PAH: variants seen among roughly 807,000 people sequenced by gnomAD.
The protein encoded by PAH is phenylalanine hydroxylase.
Under a neutral mutation model 62.0 loss-of-function variants are expected in PAH, and 64 were observed. The observed-to-expected ratio is 1.03, with a 90% CI of 0.84 to 1.27. PAH has a LOEUF of 1.27. Among genes scored for constraint, PAH ranks in the 50% most tolerant of loss-of-function variants. The pLI is 0.00. For missense variants in PAH, 579 were observed against 542.8 expected, an observed-to-expected ratio of 1.07 and a Z score of -0.66; for synonymous variants, 195 against 196.2, an observed-to-expected ratio of 0.99 and a Z score of 0.05.
chr12:102,843,593 G>C, intron 11 of PAH, 53 bp downstream of exon 11: 3 of 1,601,862 alleles, frequency 1.9e-6, no homozygotes, highest in Non-Finnish European at 2.6e-6. Flanking sequence ...CAGATGAGTG[G>C]CACCAGTCAG....
rs1210082459 is a variant in PAH at position 102,957,434 on chromosome 12, G to T, written c.-96+761C>A. On this transcript the variant is annotated intron_variant, in intron 1 of 4. Transcript: ENST00000551337. This position sits in a 1 kb window ranked among gnomAD's most constrained non-coding sequence, Gnocchi z 4.1. Reference sequence around the variant, plus strand: ...CCGGCACGCGCCAGGCGCACGCACTGCAACAACAAACCCAGCTGAATGGAG... The same window carrying T: ...CCGGCACGCGCCAGGCGCACGCACTTCAACAACAAACCCAGCTGAATGGAG... Among the ~76,000 whole-genome samples, 1 of 151,842 alleles carries T rather than the reference G, an allele frequency of 6.6e-6. No individual in the cohort carries two copies. Among genetic ancestry groups the T allele is most frequent in the Non-Finnish European group, 1.5e-5 (1 of 67,968 alleles).
rs530888628 is a variant in PAH at position 102,854,810 on chromosome 12, C to CAAACAAAACA, written c.706+316_706+325dup. 4.2e-3 allele frequency: 1,648 copies of CAAACAAAACA among 395,874 alleles called. 4 individuals carry two copies. Among genetic ancestry groups the CAAACAAAACA allele is most frequent in the Non-Finnish European group, 5.9e-3 (1,228 of 207,884 alleles). The allele number at this position is 395,874 out of a possible 1,614,324, so 24.5% of individuals were successfully genotyped here. A position where few individuals can be genotyped will look rare whatever the true frequency, so the allele number is the denominator to read the frequency against. On this transcript the variant is annotated intron_variant, in intron 6 of 12. Transcript: ENST00000553106. ...TCATAACACAGCAGGAACTACAGGG[C>CAAACAAAACA]AAACAAAACAAAACAAAACAAAAAA...
At chr12:102,875,940 CATATATATAT>C (rs968480297) in intron 4 of PAH, among the ~76,000 whole-genome samples, 4 of 54,280 alleles carry the variant, frequency 7.4e-5, no homozygotes, top group Non-Finnish European at 1.5e-4. Flanking sequence ...TATATATATA[CATATATATAT>C]AGACAGAGCG....
At chr12:102,930,859 T>C (rs1878842413) in intron 1 of PAH, among the ~76,000 whole-genome samples, 1 of 152,224 alleles carries the variant, frequency 6.6e-6, no homozygotes, top group Non-Finnish European at 1.5e-5. Context: ...GCACAAATCT[T>C]TAGTGGTTCT....
intron 1 of PAH, among the ~76,000 whole-genome samples, chr12:102,916,820 G>A (rs1472439607): frequency 6.6e-6 from 1 of 152,154 alleles, no homozygotes; most frequent in Non-Finnish European, 1.5e-5. Context: ...CAGTTCTGGA[G>A]GCCAGATCCC....
At position 102,926,960 on chromosome 12, in the gene PAH, G is replaced by A. The variant is rs986747661; in HGVS notation, c.-95-9735C>T. On this transcript the variant is annotated intron_variant, in intron 1 of 3. Coordinates refer to the PAH transcript ENST00000546844. ...CCATGATAATTAGCAAGCACTGTTTGTTTGGGTGGGTGGGTTGCTAAACAT... is the reference window on the plus strand; with the variant it reads ...CCATGATAATTAGCAAGCACTGTTTATTTGGGTGGGTGGGTTGCTAAACAT... 3.4e-5 allele frequency among the ~76,000 whole-genome samples: 5 copies of A among 148,452 alleles called. 1 individual carries two copies. Among genetic ancestry groups the A allele is most frequent in the African/African-American group, 1.3e-4 (5 of 39,992 alleles).
intron 3 of PAH, among the ~76,000 whole-genome samples, chr12:102,888,133 G>A (rs892494565): frequency 8.6e-5 from 13 of 151,816 alleles, no homozygotes; most frequent in African/African-American, 3.1e-4. Flanking sequence ...AAGTTTACTT[G>A]TAACCTTTTG....
At chr12:102,892,034 A>G (rs370784027) in intron 3 of PAH, among the ~76,000 whole-genome samples, 276 of 152,290 alleles carry the variant, frequency 1.8e-3, no homozygotes, top group African/African-American at 6.4e-3. Flanking sequence ...GGAGGCTGAA[A>G]AGGAAAGAAG....
upstream of PAH, among the ~76,000 whole-genome samples, chr12:102,951,056 C>T (rs187434235): frequency 4.2e-5 from 5 of 119,576 alleles, no homozygotes; most frequent in Non-Finnish European, 6.8e-5. Flanking sequence ...CAAGTTTGTG[C>T]GTGGGGGGGG....
At chr12:102,887,591 A>T (rs1384227901) in intron 3 of PAH, among the ~76,000 whole-genome samples, 1 of 152,034 alleles carries the variant, frequency 6.6e-6, no homozygotes, top group Non-Finnish European at 1.5e-5. Context: ...AAACTTAAGG[A>T]TGTCTAAGAT....
chr12:102,855,439 A>C (rs1875382977), intron 5 of PAH, 107 bp from the exon 6 acceptor site: 2 of 787,706 alleles, frequency 2.5e-6, no homozygotes, highest in Non-Finnish European at 4.4e-6. Flanking sequence ...AGCTGCCATC[A>C]CTTGCTACAG....
At chr12:102,926,956 G>A (rs1878699822) in intron 1 of PAH, among the ~76,000 whole-genome samples, 2 of 110,612 alleles carry the variant, frequency 1.8e-5, no homozygotes, top group Admixed American at 1.7e-4. Flanking sequence ...AGCAAGCACT[G>A]TTTGTTTGGG....
chr12:102,944,867 C>T (rs1879432032), intron 1 of PAH, among the ~76,000 whole-genome samples: 1 of 152,176 alleles, frequency 6.6e-6, no homozygotes, highest in African/African-American at 2.4e-5. Context: ...ATAGTTCTCA[C>T]CATCTGGGCT....
chr12:102,900,296 G>T (rs1413164304), intron 2 of PAH, among the ~76,000 whole-genome samples: 2 of 152,040 alleles, frequency 1.3e-5, no homozygotes, highest in African/African-American at 4.8e-5. Context: ...TGATCCGCCT[G>T]CCTCAGCCTC....
chr12:102,938,227 A>C (rs891777314), intron 1 of PAH, among the ~76,000 whole-genome samples: 2 of 152,158 alleles, frequency 1.3e-5, no homozygotes, highest in Non-Finnish European at 2.9e-5. Context: ...AGGGTGCGTG[A>C]GCAAGAGGCC....
chr12:102,844,738 C>T (rs989191085), intron 9 of PAH, among the ~76,000 whole-genome samples: 17 of 152,198 alleles, frequency 1.1e-4, no homozygotes, highest in African/African-American at 3.4e-4. Flanking sequence ...TACCCTTAGA[C>T]ATCAGAACTC....
chr12:102,958,325 C>T (rs1327140141), exon 1 of PAH: 2 of 1,472,642 alleles, frequency 1.4e-6, no homozygotes, highest in South Asian at 1.3e-5. Context: ...TCCTGCCGCC[C>T]GCAGCCTGTT....
intron 11 of PAH, 135 bp from the exon 12 acceptor site, chr12:102,840,650 G>A (rs1592945682): frequency 1.4e-6 from 1 of 709,962 alleles, no homozygotes; most frequent in South Asian, 1.5e-5. Context: ...AACAGCCAGG[G>A]CTGAGGCGGG....
At position 102,917,233 on chromosome 12, in the gene PAH, G is replaced by T; in HGVS notation, c.-103C>A. ...GAAGGTTTTAACCTCGCACTAGGGA[G>T]GAGAAGAGAGTTACAAAGGGTGTCT... On this transcript the variant is annotated 5_prime_UTR_variant, in exon 1 of 13. Coordinates refer to ENST00000553106, the MANE Select transcript of PAH (RefSeq NM_000277.3). 1 of 939,072 alleles carries T rather than the reference G, an allele frequency of 1.1e-6. No homozygotes were observed. The highest frequency in any genetic ancestry group is 1.7e-6 in the Non-Finnish European group (1 of 579,764). 58.2% of individuals were successfully genotyped at this position (939,072 alleles called of 1,614,324 possible).
Sources: allele counts gnomAD v4.1 joint callset (sites outside exome capture counted in the v4.1 genomes callset), GRCh38; gene constraint gnomAD v4.1.1; non-coding constraint Gnocchi (gnomAD v3.1); transcripts MANE v1.5; gene names NCBI Gene and HGNC (gene_info 2026-07-23, HGNC 2026-07-21).